Variants in ZNF583 observed in about 807,000 individuals in gnomAD.
ZNF583 encodes zinc finger protein L3-5.
Under a neutral mutation model 55.3 loss-of-function variants are expected in ZNF583, and 30 were observed. That is an observed-to-expected ratio of 0.54 (90% CI 0.41 to 0.74). The LOEUF is 0.74. Ranked by LOEUF, ZNF583 falls within the 30% of genes least tolerant of loss-of-function variation. The pLI is 0.00. For synonymous variants in ZNF583, 208 were observed against 220.0 expected (o/e 0.95, Z 0.48); for missense variants, 504 against 664.7 (o/e 0.76, Z 2.66).
chr19:56,424,092 C>T lies in ZNF583; in HGVS notation c.1434C>T (p.Gly478=), dbSNP rs1218172890. 2.5e-6 allele frequency: 4 copies of T among 1,613,466 alleles called. No homozygotes were observed. The highest frequency in any genetic ancestry group is 3.4e-6 in the Non-Finnish European group (4 of 1,179,830). ...ECRKTFSQNA[G]LAQHQRIHTG... ...GGAAAACATTTAGCCAGAATGCAGG[C>T]CTTGCTCAACATCAGAGAATTCATA... The change falls in exon 5 of 5, where the codon GGC becomes GGT. Residue 478 remains glycine, a synonymous_variant. Transcript: ENST00000333201.
In ZNF583 at chr19:56,424,170, T is replaced by G; in HGVS notation, c.1512T>G (p.Ser504Arg). The G allele has an allele frequency of 6.2e-7, 1 of 1,612,002 alleles. No individual in the cohort carries two copies. The highest frequency in any genetic ancestry group is 8.5e-7 in the Non-Finnish European group (1 of 1,178,508). Residue 504 changes from serine (S) to arginine (R), a missense_variant, in exon 5 of 5, where the codon AGT (serine) becomes AGG (arginine). Physicochemically the swap from Ser to Arg is moderately radical, Grantham distance 110 (BLOSUM62 -1). Coordinates refer to ENST00000333201, the MANE Select transcript of ZNF583 (RefSeq NM_152478.3). ...TTTGTGGGAAAGCATTTAGCTATAGTGGATCTCTTACTCTACATCAGAGAA... is the reference window on the plus strand; with the variant it reads ...TTTGTGGGAAAGCATTTAGCTATAGGGGATCTCTTACTCTACATCAGAGAA... ...CNVCGKAFSY[S>R]GSLTLHQRIH...
At chr19:56,415,827 A>G (rs926281070) in intron 4 of ZNF583, among the ~76,000 whole-genome samples, 37 of 151,962 alleles carry the variant, frequency 2.4e-4, no homozygotes, top group African/African-American at 8.9e-4. Context: ...GGGCCTCCCA[A>G]AGTGCTGGGA....
chr19:56,426,896 C>T lies in ZNF583; in HGVS notation c.*2528C>T, dbSNP rs1312471784. 1 of 150,900 alleles carries T rather than the reference C, an allele frequency of 6.6e-6. No homozygotes were observed. The highest frequency in any genetic ancestry group is 2.4e-5 in the African/African-American group (1 of 40,996). The allele number at this position is 150,900 out of a possible 1,614,324, so 9.3% of individuals were successfully genotyped here. A position where few individuals can be genotyped will look rare whatever the true frequency, so the allele number is the denominator to read the frequency against. ...AAAACTCGGCACACAATGTCTTTCCCTCCAGATTCTATTATACACATAGAA... is the reference window on the plus strand; with the variant it reads ...AAAACTCGGCACACAATGTCTTTCCTTCCAGATTCTATTATACACATAGAA... On this transcript the variant is annotated 3_prime_UTR_variant, in exon 5 of 5. Coordinates refer to ENST00000333201, the MANE Select transcript of ZNF583 (RefSeq NM_152478.3).
Position 56,426,939 on chromosome 19 carries a change from A to T in ZNF583, c.*2571A>T, listed in dbSNP as rs1217880997. 1.1e-4 allele frequency: 3 copies of T among 27,904 alleles called. No homozygotes were observed. In the Middle Eastern group the frequency reaches 0.033, roughly 303 times the overall value. The allele number at this position is 27,904 out of a possible 1,614,324, so 1.7% of individuals were successfully genotyped here. A position where few individuals can be genotyped will look rare whatever the true frequency, so the allele number is the denominator to read the frequency against. ...ACATAGAACAATGTAAATGATTCTT[A>T]AAAAAAAAAAAAAGGTGAGGCTTTT... On this transcript the variant is annotated 3_prime_UTR_variant, in exon 5 of 5. Transcript: ENST00000333201.
intron 2 of ZNF583, 105 bp downstream of exon 2, chr19:56,407,228 T>C: frequency 1.5e-6 from 2 of 1,373,450 alleles, no homozygotes; most frequent in Non-Finnish European, 2.1e-6. Context: ...TAAGGTTCCA[T>C]TCATCCAGTG....
rs771096017 is a variant in ZNF583, at chr19:56,426,372, T to C, written c.*2004T>C. The stretch of plus-strand genomic sequence containing the variant: ...ACACACTCTAATCATGGAATGAGAC[T>C]GGCCTTCCTAAACATGAGATTCAGA... On this transcript the variant is annotated 3_prime_UTR_variant, in exon 5 of 5. Coordinates refer to ENST00000333201, the MANE Select transcript of ZNF583 (RefSeq NM_152478.3). 1.1e-4 allele frequency: 16 copies of C among 152,308 alleles called. No individual in the cohort carries two copies. The highest frequency in any genetic ancestry group is 1.6e-4 in the Non-Finnish European group (11 of 68,030). 9.4% of individuals were successfully genotyped at this position (152,308 alleles called of 1,614,324 possible). A position where few individuals can be genotyped will look rare whatever the true frequency, so the allele number is the denominator to read the frequency against.
intron 3 of ZNF583, 110 bp from the exon 4 acceptor site, chr19:56,414,235 C>G (rs1487787385): frequency 6.7e-7 from 1 of 1,498,546 alleles, no homozygotes; most frequent in Non-Finnish European, 9.3e-7. Flanking sequence ...TTCATCTTCC[C>G]CATTCTTATT....
Position 56,423,210 on chromosome 19 carries a change from T to G in ZNF583, c.552T>G (p.His184Gln). 6.2e-7 allele frequency: 1 copy of G among 1,613,102 alleles called. No homozygotes were observed. The change falls in exon 5 of 5, where the codon CAT becomes CAG. Residue 184 changes from histidine (H) to glutamine (Q), a missense_variant. Transcript: ENST00000333201. ...QQSFPTKEKA[H>Q]KHEPQKKSYR... Reference sequence around the variant, plus strand: ...GTTTTCCCACCAAAGAAAAAGCACATAAGCATGAACCACAAAAGAAAAGTT... The same window carrying G: ...GTTTTCCCACCAAAGAAAAAGCACAGAAGCATGAACCACAAAAGAAAAGTT...
At chr19:56,408,860 G>T (rs1197695834) in intron 2 of ZNF583, among the ~76,000 whole-genome samples, 3 of 152,120 alleles carry the variant, frequency 2.0e-5, no homozygotes, top group Non-Finnish European at 4.4e-5. Flanking sequence ...TTCAGGTCCT[G>T]GCTTTCCTAG....
At chr19:56,405,173 T>G (rs2042126861) in intron 1 of ZNF583, among the ~76,000 whole-genome samples, 1 of 152,204 alleles carries the variant, frequency 6.6e-6, no homozygotes, top group Non-Finnish European at 1.5e-5. Context: ...AAACTGTATG[T>G]GAACAGAGTT....
intron 2 of ZNF583, among the ~76,000 whole-genome samples, chr19:56,407,857 A>G (rs1176668749): frequency 6.6e-6 from 1 of 152,228 alleles, no homozygotes; most frequent in African/African-American, 2.4e-5. Flanking sequence ...TATAATAATG[A>G]AAACAGTTGA....
intron 1 of ZNF583, among the ~76,000 whole-genome samples, chr19:56,405,154 C>T (rs886824522): frequency 6.6e-6 from 1 of 152,092 alleles, no homozygotes; most frequent in African/African-American, 2.4e-5. Flanking sequence ...GACTGTGTCA[C>T]TGTATGTGAA....
intron 2 of ZNF583, among the ~76,000 whole-genome samples, 199 bp from the exon 3 acceptor site, chr19:56,413,760 T>C (rs1342301991): frequency 1.3e-5 from 2 of 152,248 alleles, no homozygotes; most frequent in African/African-American, 4.8e-5. Context: ...ATACTTTCCA[T>C]GACAGAATAT....
intron 4 of ZNF583, chr19:56,421,621 C>T (rs1389796392): frequency 6.6e-5 from 30 of 454,546 alleles, no homozygotes; most frequent in Non-Finnish European, 8.4e-5. Flanking sequence ...AGACATTTAC[C>T]CCATTCATGC....
In ZNF583 at chr19:56,413,998, CAA is replaced by C; in HGVS notation, c.50_51del (p.Gln17ArgfsTer34). The stretch of plus-strand genomic sequence containing the variant: ...TGGGGATGTGGCTGTAAATTTCTCT[CAA>C]GAGGAATGGGAATGGCTGAACCCTG... The part of the protein sequence containing the change: ...TFGDVAVNFS[Q>X]EEWEWLNPAQ... On this transcript the variant is annotated frameshift_variant, in exon 3 of 5. Coordinates refer to ENST00000333201, the MANE Select transcript of ZNF583 (RefSeq NM_152478.3). LOFTEE classifies it high-confidence loss of function. The C allele has an allele frequency of 6.2e-7, 1 of 1,614,014 alleles. No homozygotes were observed. Among genetic ancestry groups the C allele is most frequent in the Non-Finnish European group, 8.5e-7 (1 of 1,179,946 alleles).
Position 56,424,510 on chromosome 19 carries a change from A to G in ZNF583, c.*142A>G. On this transcript the variant is annotated 3_prime_UTR_variant, in exon 5 of 5. Transcript: ENST00000333201. ...ACCATTGTCTCTGTCAGATGTCCAC[A>G]TTGCAACCAAATTTGTATTTTTAAA... 1 of 535,050 alleles carries G rather than the reference A, an allele frequency of 1.9e-6. No homozygotes were observed. The highest frequency in any genetic ancestry group is 3.3e-6 in the Non-Finnish European group (1 of 302,548). 33.1% of individuals were successfully genotyped at this position (535,050 alleles called of 1,614,324 possible).
rs755203404 is a variant in ZNF583 at position 56,424,196 on chromosome 19, T to C, written c.1538T>C (p.Ile513Thr). The change falls in exon 5 of 5, where the codon ATT becomes ACT. Residue 513 changes from isoleucine (I) to threonine (T), a missense_variant. Physicochemically the swap from Ile to Thr is moderately conservative, Grantham distance 89. This residue lies in a region of ZNF583 where 237 missense variants were observed against 373.0 expected (regional missense o/e 0.64). Coordinates refer to ENST00000333201, the MANE Select transcript of ZNF583 (RefSeq NM_152478.3). ...GGATCTCTTACTCTACATCAGAGAA[T>C]TCATACTGGAGAAAGACCCTATGAA... The part of the protein sequence containing the change: ...YSGSLTLHQR[I>T]HTGERPYECK... 3.1e-6 allele frequency: 5 copies of C among 1,613,952 alleles called. No homozygotes were observed. Among genetic ancestry groups the C allele is most frequent in the Non-Finnish European group, 4.2e-6 (5 of 1,179,994 alleles).
chr19:56,423,239 G>GA lies in ZNF583; in HGVS notation c.588dup (p.Ser197IlefsTer3), dbSNP rs35930620. 2.5e-6 allele frequency: 4 copies of GA among 1,611,104 alleles called. No individual in the cohort carries two copies. The highest frequency in any genetic ancestry group is 3.4e-6 in the Non-Finnish European group (4 of 1,179,430). On this transcript the variant is annotated frameshift_variant, in exon 5 of 5. Coordinates refer to ENST00000333201, the MANE Select transcript of ZNF583 (RefSeq NM_152478.3). LOFTEE classifies it high-confidence loss of function. ...CATGAACCACAAAAGAAAAGTTACC[G>GA]AAAAAAATCTGTTGAAATGAAACAT...
intron 4 of ZNF583, among the ~76,000 whole-genome samples, chr19:56,416,779 C>G (rs1299261347): frequency 6.6e-6 from 1 of 151,682 alleles, no homozygotes. Flanking sequence ...ATACAGTAAA[C>G]TGGATACATA....
Sources: allele counts gnomAD v4.1 joint callset (sites outside exome capture counted in the v4.1 genomes callset), GRCh38; gene constraint gnomAD v4.1.1; regional missense constraint gnomAD v4.1.1; transcripts MANE v1.5; gene names NCBI Gene and HGNC (gene_info 2026-07-23, HGNC 2026-07-21).